Variants in DENND4A observed in about 807,000 individuals in gnomAD.
DENND4A encodes C-myc promoter-binding protein.
A neutral mutation model predicts 199.3 loss-of-function variants in DENND4A; 70 were observed. The ratio of observed to expected loss-of-function variants is 0.35; its 90% CI spans 0.29 to 0.43. The LOEUF is 0.43. DENND4A is among the 20% of genes least tolerant of loss of function. The probability of loss-of-function intolerance (pLI) is 1.00; values close to 1 mark genes in which losing one functional copy is unlikely to be tolerated. For missense variants in DENND4A, 1,723 were observed against 2,255.8 expected (o/e 0.76, Z 4.78); for synonymous variants, 686 against 766.9 (o/e 0.89, Z 1.74).
intron 29 of DENND4A, among the ~76,000 whole-genome samples, chr15:65,666,185 A>C (rs2076031517): frequency 6.6e-6 from 1 of 152,214 alleles, no homozygotes; most frequent in African/African-American, 2.4e-5. Flanking sequence ...TTTCCTATAC[A>C]TACATACTTG....
chr15:65,728,840 T>C (rs1034394597), intron 11 of DENND4A: 3 of 512,224 alleles, frequency 5.9e-6, no homozygotes, highest in East Asian at 3.8e-5. Context: ...TTCTTAAATA[T>C]TGAAAGCCTG....
chr15:65,778,340 C>T (rs1045618007), intron 1 of DENND4A, among the ~76,000 whole-genome samples: 1 of 151,306 alleles, frequency 6.6e-6, no homozygotes, highest in Non-Finnish European at 1.5e-5. Context: ...TCTTATCTAA[C>T]AAGCCAAAGT....
At chr15:65,781,003 AG>A (rs1161057208) in intron 1 of DENND4A, among the ~76,000 whole-genome samples, 1 of 152,216 alleles carries the variant, frequency 6.6e-6, no homozygotes, top group East Asian at 1.9e-4. Flanking sequence ...CCAATTATCC[AG>A]GCAAGAGTAT....
intron 17 of DENND4A, among the ~76,000 whole-genome samples, chr15:65,702,099 C>A (rs2074891541): frequency 1.3e-5 from 2 of 151,938 alleles, no homozygotes; most frequent in Admixed American, 1.3e-4. Context: ...TCTGTCTCTA[C>A]AAAAAAATTA....
chr15:65,665,494 C>A, intron 29 of DENND4A, 32 bp from the exon 30 acceptor site: 2 of 1,497,360 alleles, frequency 1.3e-6, no homozygotes, highest in South Asian at 1.3e-5. Flanking sequence ...CATTAATGAT[C>A]CTTACATGAT....
At position 65,671,679 on chromosome 15, in the gene DENND4A, C is replaced by T. The variant is rs182742855; in HGVS notation, c.4464+113G>A. ...TGCTGGGATTACAGGCGTGAGCCAC[C>T]GCGCCCAGCCTATGTATTTAACTTC... On this transcript the variant is annotated intron_variant, in intron 25 of 32. Transcript: ENST00000443035. 1.8e-3 allele frequency: 1,378 copies of T among 747,298 alleles called. 10 individuals are homozygous for T. In the African/African-American group the frequency reaches 0.018, roughly 10 times the overall value. 46.3% of individuals were successfully genotyped at this position (747,298 alleles called of 1,614,324 possible). A position where few individuals can be genotyped will look rare whatever the true frequency, so the allele number is the denominator to read the frequency against.
chr15:65,676,738 G>T, intron 23 of DENND4A, 104 bp from the exon 24 acceptor site: 1 of 865,040 alleles, frequency 1.2e-6, no homozygotes, highest in Non-Finnish European at 1.7e-6. Context: ...CTACCCAGAT[G>T]ATCAGCTGAA....
At chr15:65,685,686 G>C (rs1269985259) in intron 23 of DENND4A, among the ~76,000 whole-genome samples, 2 of 152,026 alleles carry the variant, frequency 1.3e-5, no homozygotes, top group Non-Finnish European at 2.9e-5. Flanking sequence ...TCAATCTGTG[G>C]TTGGTTGAAT....
At chr15:65,702,827 A>C (rs890797493) in intron 16 of DENND4A, 46 bp downstream of exon 16, 14 of 1,543,968 alleles carry the variant, frequency 9.1e-6, no homozygotes, top group Non-Finnish European at 1.2e-5. Flanking sequence ...TATCCAATTT[A>C]TTTCTTGTTC....
chr15:65,762,571 G>A (rs1186107555), intron 1 of DENND4A, among the ~76,000 whole-genome samples: 1 of 152,176 alleles, frequency 6.6e-6, no homozygotes, highest in East Asian at 1.9e-4. Context: ...TGAGGCTGCA[G>A]TGAGCCCTGA....
intron 29 of DENND4A, among the ~76,000 whole-genome samples, chr15:65,666,217 G>A (rs905036403): frequency 6.6e-6 from 1 of 151,900 alleles, no homozygotes; most frequent in African/African-American, 2.4e-5. Context: ...TTATAAATGA[G>A]GCACAAAAAG....
chr15:65,690,735 A>G lies in DENND4A; in HGVS notation c.3859T>C (p.Leu1287=), dbSNP rs774602726. Residue 1287 remains leucine (L), a synonymous_variant, in exon 23 of 33, where the codon TTG becomes CTG. Coordinates refer to ENST00000443035, the MANE Select transcript of DENND4A (RefSeq NM_001320835.1). ...DDKLNKKSPP[L]VKACRRSSLP... is the part of the protein sequence containing the mutation. ...CTAGATCTTCTGCATGCCTTGACCA[A>G]TGGTGGACTTTTCTTATTTAATTTA... 6.2e-6 allele frequency: 10 copies of G among 1,613,458 alleles called. No individual in the cohort carries two copies. Among genetic ancestry groups the G allele is most frequent in the East Asian group, 2.2e-5 (1 of 44,884 alleles).
In DENND4A at chr15:65,772,007, T is replaced by C. The variant is rs1460643244; in HGVS notation, c.-101-10569A>G. On this transcript the variant is annotated intron_variant, in intron 1 of 32. Transcript: ENST00000443035. ...TCATAGTAATTTTTATATTTGTTTATGCGCAGGCCAAGGGCAGTGGGTAGA... is the reference window on the plus strand; with the variant it reads ...TCATAGTAATTTTTATATTTGTTTACGCGCAGGCCAAGGGCAGTGGGTAGA... 1.2e-5 allele frequency: 17 copies of C among 1,457,672 alleles called. No individual in the cohort carries two copies. In the East Asian group the frequency reaches 2.9e-4, roughly 24 times the overall value. The allele number at this position is 1,457,672 out of a possible 1,614,324, so 90.3% of individuals were successfully genotyped here. A position where few individuals can be genotyped will look rare whatever the true frequency, so the allele number is the denominator to read the frequency against.
chr15:65,721,174 A>G (rs2140310262), intron 12 of DENND4A, among the ~76,000 whole-genome samples: 1 of 151,810 alleles, frequency 6.6e-6, no homozygotes, highest in Middle Eastern at 3.4e-3. Flanking sequence ...ATTCAAAAGA[A>G]GTGCAAACAC....
intron 12 of DENND4A, among the ~76,000 whole-genome samples, chr15:65,719,495 A>G (rs575160636): frequency 3.3e-5 from 5 of 152,258 alleles, no homozygotes; most frequent in East Asian, 1.9e-4. Context: ...ATCGAAGTGA[A>G]TATCTTCATC....
intron 2 of DENND4A, among the ~76,000 whole-genome samples, chr15:65,757,667 A>G (rs541348720): frequency 6.6e-6 from 1 of 152,248 alleles, no homozygotes; most frequent in Non-Finnish European, 1.5e-5. Context: ...GAAACTACAA[A>G]CTAAGAAATT....
chr15:65,750,380 G>C (rs1478499128), intron 4 of DENND4A, among the ~76,000 whole-genome samples: 1 of 152,098 alleles, frequency 6.6e-6, no homozygotes, highest in Non-Finnish European at 1.5e-5. Flanking sequence ...CACCCATTGG[G>C]TTCTATGCTC....
intron 9 of DENND4A, 57 bp from the exon 10 acceptor site, chr15:65,729,735 T>A: frequency 2.7e-6 from 4 of 1,475,890 alleles, no homozygotes; most frequent in Non-Finnish European, 2.7e-6. Context: ...CACCTCATTA[T>A]CTAAAACAAT....
At chr15:65,696,837 A>T in intron 21 of DENND4A, 1 of 290,684 alleles carries the variant, frequency 3.4e-6, no homozygotes, top group Non-Finnish European at 6.8e-6. Flanking sequence ...TTTTCAGGTC[A>T]GATGGGTAAT....
Sources: allele counts gnomAD v4.1 joint callset (sites outside exome capture counted in the v4.1 genomes callset), GRCh38; gene constraint gnomAD v4.1.1; transcripts MANE v1.5; gene names NCBI Gene and HGNC (gene_info 2026-07-23, HGNC 2026-07-21).